NINL: variants seen among roughly 807,000 people sequenced by gnomAD.
NINL encodes ninein like.
Under a neutral mutation model 160.3 loss-of-function variants are expected in NINL, and 153 were observed. The observed-to-expected ratio is 0.95, with a 90% CI of 0.84 to 1.09. NINL has a LOEUF of 1.09. Among genes scored for constraint, NINL ranks in the 50% least tolerant of loss-of-function variants. The pLI is 0.00. For synonymous variants in NINL, 800 were observed against 734.8 expected, an observed-to-expected ratio of 1.09 and a Z score of -1.43; for missense variants, 1,829 against 1,764.0, an observed-to-expected ratio of 1.04 and a Z score of -0.66.
chr20:25,453,469 G>A lies in NINL; in HGVS notation c.4131C>T (p.Pro1377=), dbSNP rs750603737. Residue 1377 remains proline (P), a synonymous_variant, in exon 24 of 24, where the codon CCC becomes CCT. Coordinates refer to ENST00000278886, the MANE Select transcript of NINL (RefSeq NM_025176.6). The part of the protein sequence containing the change: ...ALNKLVSRIA[P]AALSV ...TCTGTCTTTACACAGAGAGGGCTGCGGGGGCAATCCTACTGACGAGTTTGT... is the reference window on the plus strand; with the variant it reads ...TCTGTCTTTACACAGAGAGGGCTGCAGGGGCAATCCTACTGACGAGTTTGT... 6 of 1,610,278 alleles carry A rather than the reference G, an allele frequency of 3.7e-6. No homozygotes were observed. Among genetic ancestry groups the A allele is most frequent in the Non-Finnish European group, 5.1e-6 (6 of 1,178,168 alleles).
intron 1 of NINL, among the ~76,000 whole-genome samples, chr20:25,530,171 T>A (rs1456639594): frequency 6.6e-6 from 1 of 152,210 alleles, no homozygotes; most frequent in Non-Finnish European, 1.5e-5. Flanking sequence ...CCCAGAAGAA[T>A]CACTGCTTGG....
intron 1 of NINL, among the ~76,000 whole-genome samples, chr20:25,571,483 A>G (rs375139266): frequency 1.3e-4 from 20 of 152,330 alleles, no homozygotes; most frequent in African/African-American, 4.6e-4. Context: ...ACACAGTGAC[A>G]GGGCTGCAGG....
rs996578871 is a variant in NINL at position 25,503,846 on chromosome 20, A to C, written c.861+106T>G. The C allele has an allele frequency of 2.2e-6, 3 of 1,373,968 alleles. No individual in the cohort carries two copies. The East Asian group carries it at 6.8e-5, about 31-fold the overall frequency. The allele number at this position is 1,373,968 out of a possible 1,614,324, so 85.1% of individuals were successfully genotyped here. ...TGTGCATGGCCTGTCCAGTTCTTGG[A>C]CAGCTTGTTGTGTGGTGACACAGGC... is the stretch of plus-strand genomic sequence containing the variant. On this transcript the variant is annotated intron_variant, in intron 7 of 23. Coordinates refer to ENST00000278886, the MANE Select transcript of NINL (RefSeq NM_025176.6).
intron 1 of NINL, among the ~76,000 whole-genome samples, chr20:25,576,251 A>G (rs144388754): frequency 4.9e-4 from 74 of 152,260 alleles, no homozygotes; most frequent in African/African-American, 1.7e-3. Flanking sequence ...GGCGTTATGT[A>G]GAATGTCCCA....
At chr20:25,459,764 C>T (rs996312204) in intron 21 of NINL, among the ~76,000 whole-genome samples, 3 of 152,184 alleles carry the variant, frequency 2.0e-5, no homozygotes, top group Admixed American at 1.3e-4. Context: ...CAAGGGGGAT[C>T]TCTGCCCATG....
intron 1 of NINL, among the ~76,000 whole-genome samples, chr20:25,550,805 T>A (rs969042500): frequency 3.3e-5 from 5 of 152,224 alleles, no homozygotes; most frequent in Admixed American, 2.6e-4. Context: ...GGTTTTACAC[T>A]GAGACATTCC....
chr20:25,584,006 G>A (rs1276354801), intron 1 of NINL, among the ~76,000 whole-genome samples: 1 of 152,124 alleles, frequency 6.6e-6, no homozygotes, highest in African/African-American at 2.4e-5. Flanking sequence ...CAAGAGGAGG[G>A]AGAGCATTAG....
At chr20:25,563,383 C>T (rs1281421982) in intron 1 of NINL, among the ~76,000 whole-genome samples, 1 of 152,188 alleles carries the variant, frequency 6.6e-6, no homozygotes, top group Non-Finnish European at 1.5e-5. Flanking sequence ...ATACCATAAT[C>T]CCTGCAGTAA....
At chr20:25,501,115 C>A in intron 7 of NINL, 105 bp from the exon 8 acceptor site, 1 of 1,415,902 alleles carries the variant, frequency 7.1e-7, no homozygotes, top group Non-Finnish European at 9.4e-7. Flanking sequence ...GAGGGCCTCA[C>A]AGGAACAGCT....
At position 25,477,105 on chromosome 20, in the gene NINL, C is replaced by T; in HGVS notation, c.2202-16G>A. The T allele has an allele frequency of 6.3e-7, 1 of 1,576,100 alleles. No individual in the cohort carries two copies. Among genetic ancestry groups the T allele is most frequent in the Non-Finnish European group, 8.6e-7 (1 of 1,168,854 alleles). On this transcript the variant is annotated splice_polypyrimidine_tract_variant and intron_variant, in intron 16 of 23. Coordinates refer to ENST00000278886, the MANE Select transcript of NINL (RefSeq NM_025176.6). ...AGCCTCTCTCCTGTGGAAGTAGAAC[C>T]GTCACACACCACAGCCCTGCCGCCC...
At chr20:25,501,368 G>A (rs1479226549) in intron 7 of NINL, among the ~76,000 whole-genome samples, 1 of 152,246 alleles carries the variant, frequency 6.6e-6, no homozygotes, top group Non-Finnish European at 1.5e-5. Context: ...AAAGGCGGGA[G>A]CCTGGCCTCG....
chr20:25,559,559 C>T (rs2064908013), intron 1 of NINL, among the ~76,000 whole-genome samples: 1 of 151,972 alleles, frequency 6.6e-6, no homozygotes, highest in Admixed American at 6.6e-5. Flanking sequence ...TTTTCATTTT[C>T]CGTCTGCTTG....
chr20:25,479,268 G>C lies in NINL; in HGVS notation c.1918-62C>G, dbSNP rs551964874. 759 of 1,533,232 alleles carry C rather than the reference G, an allele frequency of 5.0e-4. 6 individuals are homozygous for C. The Middle Eastern group carries it at 0.016, about 32-fold the overall frequency. 95.0% of individuals were successfully genotyped at this position (1,533,232 alleles called of 1,614,324 possible). ...CCCTAAGAATGATCTTGCTGCTGACGTAACACAGAAACACGAAGCTGCCTG... is the reference window on the plus strand; with the variant it reads ...CCCTAAGAATGATCTTGCTGCTGACCTAACACAGAAACACGAAGCTGCCTG... On this transcript the variant is annotated intron_variant, in intron 15 of 23. Transcript: ENST00000278886.
intron 1 of NINL, among the ~76,000 whole-genome samples, chr20:25,551,591 T>G (rs571436822): frequency 1.8e-4 from 27 of 150,368 alleles, no homozygotes; most frequent in Admixed American, 4.6e-4. Context: ...AAAGAGGATG[T>G]GGGAACTTAG....
intron 21 of NINL, chr20:25,459,055 T>C (rs2090767762): frequency 6.5e-6 from 1 of 153,264 alleles, no homozygotes; most frequent in Non-Finnish European, 1.5e-5. Flanking sequence ...TGTGCACCAC[T>C]ATGCCAGCCA....
intron 2 of NINL, among the ~76,000 whole-genome samples, chr20:25,518,265 G>C (rs1482999300): frequency 6.6e-6 from 1 of 152,110 alleles, no homozygotes; most frequent in Non-Finnish European, 1.5e-5. Context: ...CGCTTTTCTA[G>C]ACCTCATTTG....
intron 1 of NINL, among the ~76,000 whole-genome samples, chr20:25,559,560 C>T (rs773360760): frequency 2.6e-5 from 4 of 151,726 alleles, no homozygotes; most frequent in Non-Finnish European, 2.9e-5. Context: ...TTTCATTTTC[C>T]GTCTGCTTGG....
intron 5 of NINL, among the ~76,000 whole-genome samples, chr20:25,509,038 TCTC>T (rs1339094957): frequency 6.6e-6 from 1 of 152,182 alleles, no homozygotes; most frequent in Non-Finnish European, 1.5e-5. Flanking sequence ...CTGTGTCCCT[TCTC>T]CTTGAATCTG....
chr20:25,462,813 CCCA>C, intron 19 of NINL: 2 of 317,346 alleles, frequency 6.3e-6, no homozygotes, highest in South Asian at 6.9e-5. Context: ...CGTCACCACT[CCCA>C]CCTAGTTTTG....
Sources: gnomAD v4.1 joint callset for allele counts (sites outside exome capture counted in the v4.1 genomes callset) on GRCh38, gnomAD v4.1.1 for gene constraint, MANE v1.5 for transcripts, NCBI Gene and HGNC (gene_info 2026-07-23, HGNC 2026-07-21) for gene names.